The following PRSS23 variants were observed in gnomAD, a reference collection of about 807,000 sequenced individuals.
PRSS23 encodes the protein protease, serine 23.
Under a neutral mutation model 34.7 loss-of-function variants are expected in PRSS23, and 25 were observed. That is an observed-to-expected ratio of 0.72 (90% confidence interval 0.53 to 1.01). The LOEUF (loss-of-function observed/expected upper bound fraction) is 1.01. PRSS23 is among the 50% of genes least tolerant of loss of function. The probability of loss-of-function intolerance (pLI) is 0.00; values close to 1 mark genes in which losing one functional copy is unlikely to be tolerated. For missense variants in PRSS23, 445 were observed against 475.6 expected (o/e 0.94, Z 0.60); for synonymous variants, 176 against 186.6 (o/e 0.94, Z 0.46).
chr11:86,801,899 A>C (rs922591354), intron 1 of PRSS23, among the ~76,000 whole-genome samples: 7 of 152,214 alleles, frequency 4.6e-5, no homozygotes, highest in African/African-American at 1.7e-4. Flanking sequence ...AAATAAAGTC[A>C]AGCGGTAACT....
intron 1 of PRSS23, chr11:86,823,368 C>G (rs1948268125): frequency 1.4e-6 from 1 of 701,846 alleles, no homozygotes; most frequent in South Asian, 1.5e-5. Flanking sequence ...TGTGTTTCAT[C>G]TACTTCAGAT....
intron 1 of PRSS23, among the ~76,000 whole-genome samples, chr11:86,795,074 G>A (rs1351950217): frequency 3.3e-5 from 5 of 152,058 alleles, no homozygotes; most frequent in East Asian, 1.9e-4. Flanking sequence ...GGGTGTCAAC[G>A]GGAGTCCTGG....
At chr11:86,797,445 T>G (rs12421942), upstream of PRSS23, among the ~76,000 whole-genome samples, 53,788 of 152,052 alleles carry the variant, frequency 0.35, 10,409 homozygotes, top group African/African-American at 0.49. Flanking sequence ...AACAAAAGCT[T>G]GTGGTGCATG....
intron 2 of PRSS23, among the ~76,000 whole-genome samples, chr11:86,878,435 G>A (rs895730699): frequency 5.3e-5 from 8 of 152,252 alleles, no homozygotes; most frequent in South Asian, 2.1e-4. Flanking sequence ...ACTGCTTTTC[G>A]TATTTTTTTG....
At position 86,905,306 on chromosome 11, in the gene PRSS23, T is replaced by A. The variant is rs190951801; in HGVS notation, c.207-45910T>A. Among the ~76,000 whole-genome samples the A allele has an allele frequency of 1.8e-3, 280 of 152,314 alleles. 3 individuals carry two copies. Among genetic ancestry groups the A allele is most frequent in the South Asian group, 6.2e-4 (3 of 4,822 alleles). ...ATTGGAATAATAATCTCTTTCTGGC[T>A]ATTCCACAGGGCTATGGGTTTTAAG... On this transcript the variant is annotated intron_variant, in intron 2 of 2. Coordinates refer to the PRSS23 transcript ENST00000533902.
Position 86,808,033 on chromosome 11 carries a change from T to G in PRSS23, c.390T>G (p.Ile130Met). The G allele has an allele frequency of 6.2e-7, 1 of 1,613,648 alleles. No individual in the cohort carries two copies. The highest frequency in any genetic ancestry group is 8.5e-7 in the Non-Finnish European group (1 of 1,179,970). Residue 130 changes from isoleucine to methionine, a missense_variant, in exon 2 of 2, where the codon ATT becomes ATG. By Grantham distance (10) the Ile-to-Met change is conservative. Coordinates refer to ENST00000280258, the MANE Select transcript of PRSS23 (RefSeq NM_007173.6). Reference protein sequence around the residue: ...SSGKSRRKRQIYGYDSRFSIF... With the variant: ...SSGKSRRKRQMYGYDSRFSIF... ...GAAAGTCTCGAAGGAAGCGGCAGATTTATGGCTATGACAGCAGGTTCAGCA... is the reference window on the plus strand; with the variant it reads ...GAAAGTCTCGAAGGAAGCGGCAGATGTATGGCTATGACAGCAGGTTCAGCA...
At position 86,800,563 on chromosome 11, in the gene PRSS23, C is replaced by A; in HGVS notation, c.-102C>A. The A allele has an allele frequency of 8.1e-6, 8 of 984,740 alleles. No homozygotes were observed. The highest frequency in any genetic ancestry group is 9.6e-6 in the Non-Finnish European group (8 of 829,718). 61.0% of individuals were successfully genotyped at this position (984,740 alleles called of 1,614,324 possible). A position where few individuals can be genotyped will look rare whatever the true frequency, so the allele number is the denominator to read the frequency against. On this transcript the variant is annotated 5_prime_UTR_variant, in exon 1 of 2. Transcript: ENST00000280258. The stretch of plus-strand genomic sequence containing the variant: ...GCTCGCACTCGGCTGTGCGGCGGGG[C>A]AGGCATGGGAGCCGCGCGCTCTCTC...
At chr11:86,858,081 G>A in intron 2 of PRSS23, 1 of 202,914 alleles carries the variant, frequency 4.9e-6, no homozygotes. Context: ...ATATCTGGGG[G>A]AGAGAGGATA....
chr11:86,841,527 C>A lies in PRSS23; in HGVS notation c.206+17934C>A, dbSNP rs191805016. Among the ~76,000 whole-genome samples, 829 of 151,412 alleles carry A rather than the reference C, an allele frequency of 5.5e-3. 7 individuals carry two copies. Among genetic ancestry groups the A allele is most frequent in the Non-Finnish European group, 5.2e-3 (352 of 67,580 alleles). Reference sequence around the variant, plus strand: ...TGGTTTTTTGAAAAGATCAACAACACAGACCGCTAGCAAGACTAATAAAGA... The same window carrying A: ...TGGTTTTTTGAAAAGATCAACAACAAAGACCGCTAGCAAGACTAATAAAGA... On this transcript the variant is annotated intron_variant, in intron 2 of 2. Coordinates refer to the PRSS23 transcript ENST00000533902.
intron 1 of PRSS23, chr11:86,821,589 C>G: frequency 6.2e-7 from 1 of 1,607,894 alleles, no homozygotes; most frequent in South Asian, 1.1e-5. Flanking sequence ...CCGTTTAGCT[C>G]AAGACAGAAT....
At chr11:86,885,894 G>A (rs1328568775) in intron 2 of PRSS23, among the ~76,000 whole-genome samples, 2 of 152,174 alleles carry the variant, frequency 1.3e-5, no homozygotes, top group Non-Finnish European at 2.9e-5. Flanking sequence ...CAGAAAATAT[G>A]TCCATCAACT....
chr11:86,861,559 T>A lies in PRSS23; in HGVS notation c.206+37966T>A, dbSNP rs372074114. Among the ~76,000 whole-genome samples, 5 of 151,938 alleles carry A rather than the reference T, an allele frequency of 3.3e-5. No homozygotes were observed. The East Asian group carries it at 9.7e-4, about 29-fold the overall frequency. ...CCAGTTGGAGAGGGGATGATATTAC[T>A]CCCCATTTGCAGGGGGCGGACACCC... On this transcript the variant is annotated intron_variant, in intron 2 of 2. Coordinates refer to the PRSS23 transcript ENST00000533902.
At chr11:86,846,773 A>G (rs141516096) in intron 2 of PRSS23, among the ~76,000 whole-genome samples, 71 of 152,346 alleles carry the variant, frequency 4.7e-4, no homozygotes, top group Middle Eastern at 3.4e-3. Context: ...GGTGGCACCC[A>G]GAAGATCCCT....
intron 2 of PRSS23, among the ~76,000 whole-genome samples, chr11:86,914,466 T>G (rs2134996829): frequency 6.6e-6 from 1 of 152,314 alleles, no homozygotes; most frequent in East Asian, 1.9e-4. Flanking sequence ...CATAGATGCC[T>G]TCAAAGCATT....
intron 2 of PRSS23, among the ~76,000 whole-genome samples, chr11:86,873,442 C>T (rs1198504747): frequency 1.3e-5 from 2 of 151,746 alleles, no homozygotes; most frequent in Non-Finnish European, 2.9e-5. Flanking sequence ...CCATGCCCAG[C>T]TCATTTGTGT....
intron 2 of PRSS23, among the ~76,000 whole-genome samples, chr11:86,944,638 T>C (rs1949228641): frequency 6.6e-6 from 1 of 152,208 alleles, no homozygotes; most frequent in Non-Finnish European, 1.5e-5. Flanking sequence ...ATCATGTAAA[T>C]GGAAGTATTT....
chr11:86,878,568 A>G (rs539166740), intron 2 of PRSS23, among the ~76,000 whole-genome samples: 5,546 of 152,110 alleles, frequency 0.036, 139 homozygotes, highest in Middle Eastern at 0.12. Flanking sequence ...CTCAGTGCTC[A>G]ATGGGGCCCA....
chr11:86,941,337 C>A (rs867375453), intron 2 of PRSS23, among the ~76,000 whole-genome samples: 17 of 152,276 alleles, frequency 1.1e-4, no homozygotes, highest in African/African-American at 3.8e-4. Flanking sequence ...TAGCATTGAT[C>A]CTTTGTGGGA....
intron 2 of PRSS23, among the ~76,000 whole-genome samples, chr11:86,929,098 G>A (rs1448919764): frequency 6.6e-6 from 1 of 152,114 alleles, no homozygotes; most frequent in Non-Finnish European, 1.5e-5. Flanking sequence ...GAGGTGGGCA[G>A]ATCACCTGAG....
Sources: gnomAD v4.1 joint callset for allele counts (sites outside exome capture counted in the v4.1 genomes callset) on GRCh38, gnomAD v4.1.1 for gene constraint, MANE v1.5 for transcripts, NCBI Gene and HGNC (gene_info 2026-07-23, HGNC 2026-07-21) for gene names.